SHPRH: variants seen among roughly 807,000 people sequenced by gnomAD.
SHPRH encodes E3 ubiquitin-protein ligase SHPRH.
In SHPRH, 106 loss-of-function variants were observed where a neutral mutation model predicts 202.5. The ratio of observed to expected loss-of-function variants is 0.52; its 90% CI spans 0.45 to 0.62. The LOEUF is 0.62. SHPRH is among the 20% of genes least tolerant of loss of function. SHPRH has a pLI of 0.00. For missense variants in SHPRH, 1,710 were observed against 2,020.0 expected, an observed-to-expected ratio of 0.85 and a Z score of 2.94; for synonymous variants, 729 against 686.0, an observed-to-expected ratio of 1.06 and a Z score of -0.98.
intron 25 of SHPRH, among the ~76,000 whole-genome samples, chr6:145,896,780 A>G (rs539122962): frequency 1.5e-3 from 224 of 152,252 alleles, no homozygotes; most frequent in African/African-American, 4.9e-3. Flanking sequence ...AAATTAAATA[A>G]CATGCTCTTG....
intron 2 of SHPRH, among the ~76,000 whole-genome samples, chr6:145,867,631 T>TATATATATATATAG (rs1554220329): frequency 3.6e-4 from 8 of 22,312 alleles, no homozygotes; most frequent in Non-Finnish European, 6.0e-4. Flanking sequence ...TATATATATA[T>TATATATATATATAG]AGAGAGAGAG....
At chr6:145,939,005 T>C (rs958726671) in intron 11 of SHPRH, among the ~76,000 whole-genome samples, 3 of 152,134 alleles carry the variant, frequency 2.0e-5, no homozygotes, top group Admixed American at 1.3e-4. Flanking sequence ...TCCTAAAGCA[T>C]ACAGGACAAT....
intron 1 of SHPRH, among the ~76,000 whole-genome samples, chr6:145,957,151 G>A (rs1788587655): frequency 6.6e-6 from 1 of 152,006 alleles, no homozygotes; most frequent in Non-Finnish European, 1.5e-5. Context: ...TTTAGTAAAT[G>A]GATACCAATA....
the SHPRH span, among the ~76,000 whole-genome samples, chr6:145,858,435 T>C: frequency 1.3e-5 from 2 of 152,202 alleles, no homozygotes; most frequent in Admixed American, 6.5e-5. Flanking sequence ...AAAATAAATA[T>C]ACTTACTGAA....
chr6:145,910,723 T>G, intron 24 of SHPRH, 87 bp from the exon 25 acceptor site: 2 of 1,267,214 alleles, frequency 1.6e-6, no homozygotes, highest in Non-Finnish European at 2.1e-6. Context: ...CAATTTTTCC[T>G]CCTAAAGATT....
chr6:145,918,101 G>A (rs747338553), intron 23 of SHPRH, 30 bp downstream of exon 23: 6 of 1,548,308 alleles, frequency 3.9e-6, no homozygotes, highest in Non-Finnish European at 5.3e-6. Context: ...ATGCAGCATA[G>A]GAAAAAGTAG....
chr6:145,935,193 G>C, intron 12 of SHPRH, 30 bp from the exon 13 acceptor site: 3 of 1,568,674 alleles, frequency 1.9e-6, no homozygotes, highest in Non-Finnish European at 2.6e-6. Flanking sequence ...AAAAAAAAAA[G>C]ATATCATCTA....
At chr6:145,923,970 ATAAT>A (rs1267504369) in intron 17 of SHPRH, among the ~76,000 whole-genome samples, 185 bp from the exon 18 acceptor site, 1 of 151,952 alleles carries the variant, frequency 6.6e-6, no homozygotes, top group African/African-American at 2.4e-5. Flanking sequence ...TTTTGAAAAT[ATAAT>A]TAAAGAGAAA....
At chr6:145,954,460 A>G (rs553635446) in intron 2 of SHPRH, among the ~76,000 whole-genome samples, 1 of 152,260 alleles carries the variant, frequency 6.6e-6, no homozygotes, top group South Asian at 2.1e-4. Flanking sequence ...ACTGATGATG[A>G]GGACCAAAAC....
downstream of SHPRH, among the ~76,000 whole-genome samples, chr6:145,860,333 A>G (rs1415325300): frequency 6.6e-6 from 1 of 152,060 alleles, no homozygotes; most frequent in Non-Finnish European, 1.5e-5. Flanking sequence ...TTAATATGCA[A>G]AAATTTGTTG....
At chr6:145,865,601 T>C (rs1779742582) in intron 2 of SHPRH, among the ~76,000 whole-genome samples, 1 of 152,212 alleles carries the variant, frequency 6.6e-6, no homozygotes, top group Non-Finnish European at 1.5e-5. Context: ...ACGTTTAATT[T>C]CCATCACAGT....
chr6:145,942,173 T>C (rs1401766037), intron 9 of SHPRH, among the ~76,000 whole-genome samples: 1 of 152,148 alleles, frequency 6.6e-6, no homozygotes, highest in Non-Finnish European at 1.5e-5. Flanking sequence ...TCTTAAAGGT[T>C]CTCATAGGTG....
chr6:145,950,203 T>TA, intron 4 of SHPRH, 61 bp downstream of exon 4: 1 of 1,421,912 alleles, frequency 7.0e-7, no homozygotes, highest in Middle Eastern at 1.8e-4. Context: ...CACCCTGCCC[T>TA]AATTGTCTCT....
chr6:145,867,629 T>TAGAGAGAGAGAGAG (rs1269534768), intron 2 of SHPRH, among the ~76,000 whole-genome samples: 7 of 43,896 alleles, frequency 1.6e-4, no homozygotes, highest in Admixed American at 2.4e-4. Flanking sequence ...TATATATATA[T>TAGAGAGAGAGAGAG]ATAGAGAGAG....
At chr6:145,929,085 A>G (rs1056330257) in intron 14 of SHPRH, among the ~76,000 whole-genome samples, 14 of 151,986 alleles carry the variant, frequency 9.2e-5, no homozygotes, top group African/African-American at 3.4e-4. Context: ...ACTATAATGT[A>G]AAGCAGCTGA....
rs1467547073 is a variant in SHPRH at position 145,919,447 on chromosome 6, A to G, written c.4053T>C (p.Ala1351=). The G allele has an allele frequency of 4.3e-6, 7 of 1,613,096 alleles. No individual in the cohort carries two copies. The highest frequency in any genetic ancestry group is 1.3e-5 in the African/African-American group (1 of 74,852). ...CTGTAGCCATTGCAAGTTCATCAACAGCAGACACACGATTCCTCAGAGCCA... is the reference window on the plus strand; with the variant it reads ...CTGTAGCCATTGCAAGTTCATCAACGGCAGACACACGATTCCTCAGAGCCA... ...YWMALRNRVS[A]VDELAMATER... The change falls in exon 22 of 30, where the codon GCT becomes GCC. Residue 1351 remains alanine (A), a synonymous_variant. Coordinates refer to ENST00000275233, the MANE Select transcript of SHPRH (RefSeq NM_001042683.3).
intron 2 of SHPRH, among the ~76,000 whole-genome samples, chr6:145,873,872 C>A (rs761239633): frequency 3.8e-4 from 58 of 152,194 alleles, no homozygotes; most frequent in Non-Finnish European, 3.4e-4. Context: ...ATTAATATCA[C>A]AAAGTGATAT....
At position 145,886,250 on chromosome 6, in the gene SHPRH, A is replaced by T; in HGVS notation, c.*441T>A. 1.5e-5 allele frequency: 7 copies of T among 477,670 alleles called. No individual in the cohort carries two copies. The South Asian group carries it at 2.4e-4, about 16-fold the overall frequency. 29.6% of individuals were successfully genotyped at this position (477,670 alleles called of 1,614,324 possible). A position where few individuals can be genotyped will look rare whatever the true frequency, so the allele number is the denominator to read the frequency against. Reference sequence around the variant, plus strand: ...CCATCTACTTAAAATATTACTAACAAGATATTGGTGAATCATGTGCTAAAG... The same window carrying T: ...CCATCTACTTAAAATATTACTAACATGATATTGGTGAATCATGTGCTAAAG... On this transcript the variant is annotated 3_prime_UTR_variant, in exon 30 of 30. Transcript: ENST00000275233.
intron 2 of SHPRH, among the ~76,000 whole-genome samples, chr6:145,953,562 C>T (rs536163335): frequency 6.6e-6 from 1 of 152,062 alleles, no homozygotes; most frequent in Non-Finnish European, 1.5e-5. Flanking sequence ...TAAATGTTCT[C>T]CTTTCCTTCT....
Sources: gnomAD v4.1 joint callset for allele counts (sites outside exome capture counted in the v4.1 genomes callset) on GRCh38, gnomAD v4.1.1 for gene constraint, MANE v1.5 for transcripts, NCBI Gene and HGNC (gene_info 2026-07-23, HGNC 2026-07-21) for gene names.